TTC28: variants seen among roughly 807,000 people sequenced by gnomAD.
TTC28 encodes the protein tetratricopeptide repeat domain 28, also known as tetratricopeptide repeat protein 28.
TTC28 carries 61 observed loss-of-function variants against 198.0 expected under a neutral mutation model. The observed-to-expected ratio is 0.31, with a 90% confidence interval of 0.25 to 0.38. The LOEUF is 0.38. Ranked by LOEUF, TTC28 falls within the 10% of genes least tolerant of loss-of-function variation. TTC28 has a pLI of 1.00. For synonymous variants in TTC28, 1,171 were observed against 1,297.8 expected (o/e 0.90, Z 2.10); for missense variants, 2,678 against 3,164.0 (o/e 0.85, Z 3.69).
intron 5 of TTC28, among the ~76,000 whole-genome samples, chr22:28,233,964 C>T (rs1008657342): frequency 1.3e-5 from 2 of 150,034 alleles, no homozygotes; most frequent in African/African-American, 4.9e-5. Flanking sequence ...TAGAGTGCAG[C>T]GGCACAATCT....
At chr22:28,086,619 C>G (rs1414161918) in intron 12 of TTC28, among the ~76,000 whole-genome samples, 8 of 151,976 alleles carry the variant, frequency 5.3e-5, no homozygotes, top group Non-Finnish European at 8.8e-5. Flanking sequence ...AAAGCAAGAG[C>G]AAACATATTC....
chr22:28,177,877 G>A (rs1404309081), intron 5 of TTC28, among the ~76,000 whole-genome samples: 1 of 152,104 alleles, frequency 6.6e-6, no homozygotes, highest in African/African-American at 2.4e-5. Flanking sequence ...TGGAGCACAG[G>A]GGATTTTTAG....
chr22:28,394,502 C>A (rs1048476047), intron 2 of TTC28, among the ~76,000 whole-genome samples: 1 of 152,176 alleles, frequency 6.6e-6, no homozygotes, highest in African/African-American at 2.4e-5. Flanking sequence ...CTAAGGTTTC[C>A]ATTCATCACA....
chr22:28,389,179 A>C (rs1466523888), intron 2 of TTC28, among the ~76,000 whole-genome samples: 4 of 152,288 alleles, frequency 2.6e-5, no homozygotes, highest in East Asian at 1.9e-4. Context: ...GACTTGCATC[A>C]CAGGGATGAG....
At chr22:28,304,481 T>A (rs1297663732) in intron 3 of TTC28, among the ~76,000 whole-genome samples, 2 of 152,000 alleles carry the variant, frequency 1.3e-5, no homozygotes, top group Non-Finnish European at 2.9e-5. Context: ...ATAAATCAGA[T>A]AAATTAAATT....
chr22:28,248,884 G>C (rs569419759), intron 5 of TTC28, among the ~76,000 whole-genome samples: 9 of 152,188 alleles, frequency 5.9e-5, no homozygotes, highest in Non-Finnish European at 7.4e-5. Flanking sequence ...ATTTAGCAGG[G>C]GGGGAAATAC....
intron 5 of TTC28, among the ~76,000 whole-genome samples, chr22:28,183,409 G>A (rs1239759062): frequency 6.6e-6 from 1 of 152,048 alleles, no homozygotes; most frequent in Non-Finnish European, 1.5e-5. Context: ...CAACTATCTT[G>A]GCTGAAGGTC....
intron 12 of TTC28, among the ~76,000 whole-genome samples, chr22:28,058,362 T>C (rs953141947): frequency 3.5e-4 from 54 of 152,136 alleles, no homozygotes; most frequent in African/African-American, 1.3e-3. Flanking sequence ...ACTGATATAG[T>C]GTTGAGCCTA....
chr22:28,133,864 G>C (rs1043855983), intron 6 of TTC28, among the ~76,000 whole-genome samples: 10 of 152,196 alleles, frequency 6.6e-5, no homozygotes, highest in African/African-American at 2.4e-4. Flanking sequence ...AGAGAGTAGT[G>C]GTTCTCCCAG....
At chr22:28,170,060 T>C (rs532946013) in intron 5 of TTC28, among the ~76,000 whole-genome samples, 3 of 152,312 alleles carry the variant, frequency 2.0e-5, no homozygotes, top group African/African-American at 7.2e-5. Flanking sequence ...AGTAACTTTC[T>C]ATACCTCATC....
At chr22:28,244,737 T>C (rs185942269) in intron 5 of TTC28, among the ~76,000 whole-genome samples, 21 of 152,332 alleles carry the variant, frequency 1.4e-4, no homozygotes, top group African/African-American at 4.8e-4. Flanking sequence ...ACAAATTACA[T>C]CTAAATTTTC....
intron 12 of TTC28, among the ~76,000 whole-genome samples, chr22:28,035,817 A>C (rs1449660280): frequency 1.3e-5 from 2 of 152,226 alleles, no homozygotes; most frequent in African/African-American, 4.8e-5. Flanking sequence ...GGCTAAAGAA[A>C]AACAGCAGGG....
intron 2 of TTC28, among the ~76,000 whole-genome samples, chr22:28,538,556 CTTT>C (rs753754141): frequency 1.6e-4 from 17 of 109,508 alleles, no homozygotes; most frequent in African/African-American, 2.8e-4. Context: ...GCACCTTTCT[CTTT>C]TTTTTTTTTT....
intron 5 of TTC28, among the ~76,000 whole-genome samples, chr22:28,258,617 T>C (rs1931116214): frequency 6.6e-6 from 1 of 152,012 alleles, no homozygotes; most frequent in Non-Finnish European, 1.5e-5. Flanking sequence ...CAGAAATGCC[T>C]GCAAATAAAC....
chr22:28,319,051 C>T (rs1039270027), intron 2 of TTC28, among the ~76,000 whole-genome samples: 7 of 151,934 alleles, frequency 4.6e-5, no homozygotes, highest in South Asian at 2.1e-4. Context: ...TGGTTTTGAA[C>T]GCCTGGACTT....
intron 6 of TTC28, among the ~76,000 whole-genome samples, chr22:28,144,197 T>C (rs1342292377): frequency 6.6e-6 from 1 of 152,224 alleles, no homozygotes; most frequent in Non-Finnish European, 1.5e-5. Context: ...AATTCTATTT[T>C]ACATCTTACA....
intron 5 of TTC28, among the ~76,000 whole-genome samples, chr22:28,235,836 T>C (rs1929203326): frequency 6.6e-6 from 1 of 152,234 alleles, no homozygotes; most frequent in African/African-American, 2.4e-5. Flanking sequence ...AACTGTTCTA[T>C]TGTTAACTTC....
At position 28,423,261 on chromosome 22, in the gene TTC28, G is replaced by A. The variant is rs187558512; in HGVS notation, c.382-116618C>T. 3.8e-4 allele frequency among the ~76,000 whole-genome samples: 58 copies of A among 152,164 alleles called. No individual in the cohort carries two copies. The East Asian group carries it at 5.2e-3, about 14-fold the overall frequency. Reference sequence around the variant, plus strand: ...AAAAATTAGCCAGGTGTGTTGCCACGTGCCTGTAATACCAGCTGCTCAGGA... The same window carrying A: ...AAAAATTAGCCAGGTGTGTTGCCACATGCCTGTAATACCAGCTGCTCAGGA... On this transcript the variant is annotated intron_variant, in intron 2 of 22. Transcript: ENST00000397906.
intron 2 of TTC28, among the ~76,000 whole-genome samples, chr22:28,551,533 T>C (rs866312398): frequency 2.0e-5 from 3 of 152,180 alleles, no homozygotes; most frequent in African/African-American, 2.4e-5. Flanking sequence ...TAATCCACCA[T>C]GACCAAGTGG....
Sources: gnomAD v4.1 joint callset for allele counts (sites outside exome capture counted in the v4.1 genomes callset) on GRCh38, gnomAD v4.1.1 for gene constraint, MANE v1.5 for transcripts, NCBI Gene and HGNC (gene_info 2026-07-23, HGNC 2026-07-21) for gene names.